The following ELP4 variants were observed in gnomAD, a reference collection of about 807,000 sequenced individuals.
ELP4 encodes the protein elongator acetyltransferase complex subunit 4, also known as elongator complex protein 4.
A neutral mutation model predicts 48.9 loss-of-function variants in ELP4; 51 were observed. The observed-to-expected ratio is 1.04, with a 90% confidence interval of 0.83 to 1.32. The LOEUF is 1.32. Ranked by LOEUF, ELP4 falls within the 40% of genes most tolerant of loss-of-function variation. The pLI, the probability that ELP4 is intolerant of heterozygous loss-of-function variation, is 0.00. For missense variants in ELP4, 519 were observed against 514.6 expected (o/e 1.01, Z -0.08); for synonymous variants, 210 against 189.2 (o/e 1.11, Z -0.90).
intron 1 of ELP4, among the ~76,000 whole-genome samples, chr11:31,517,772 G>A (rs1197653925): frequency 7.9e-5 from 12 of 151,424 alleles, no homozygotes; most frequent in African/African-American, 9.7e-5. Flanking sequence ...GGCAGCCACC[G>A]CGCCCAGCTA....
At chr11:31,613,411 T>A (rs1958018376) in intron 5 of ELP4, among the ~76,000 whole-genome samples, 1 of 152,174 alleles carries the variant, frequency 6.6e-6, no homozygotes, top group South Asian at 2.1e-4. Flanking sequence ...TACATTAGTA[T>A]TTGAAAGGCT....
At chr11:31,770,793 C>G (rs374420860) in intron 9 of ELP4, among the ~76,000 whole-genome samples, 1 of 124,902 alleles carries the variant, frequency 8.0e-6, no homozygotes, top group African/African-American at 3.1e-5. Context: ...AGTCTCAGTA[C>G]TCGGGAGGCT....
At position 31,617,213 on chromosome 11, in the gene ELP4, A is replaced by C. The variant is rs1944509000; in HGVS notation, c.654-9897A>C. Among the ~76,000 whole-genome samples the C allele has an allele frequency of 2.0e-5, 3 of 152,156 alleles. No homozygotes were observed. In the South Asian group the frequency reaches 6.2e-4, roughly 31 times the overall value. On this transcript the variant is annotated intron_variant, in intron 5 of 9. Coordinates refer to ENST00000640961, the MANE Select transcript of ELP4 (RefSeq NM_019040.5). Reference sequence around the variant, plus strand: ...TAAATAAAATATACCATATAATGAAATGTTATTTAGCCTTAAAAATGATGG... The same window carrying C: ...TAAATAAAATATACCATATAATGAACTGTTATTTAGCCTTAAAAATGATGG...
intron 5 of ELP4, among the ~76,000 whole-genome samples, chr11:31,615,718 A>C (rs933198196): frequency 2.0e-5 from 3 of 151,954 alleles, no homozygotes; most frequent in African/African-American, 7.2e-5. Flanking sequence ...CACACAACTT[A>C]GCTCACTTTT....
chr11:31,627,666 C>T (rs1488963869), intron 6 of ELP4, among the ~76,000 whole-genome samples: 1 of 151,906 alleles, frequency 6.6e-6, no homozygotes, highest in African/African-American at 2.4e-5. Context: ...TATTTTATAA[C>T]AACGATTTCT....
At chr11:31,735,709 T>C (rs1947297342) in intron 9 of ELP4, among the ~76,000 whole-genome samples, 1 of 152,066 alleles carries the variant, frequency 6.6e-6, no homozygotes, top group East Asian at 1.9e-4. Context: ...AAATCATGAG[T>C]GAACTCCCAT....
chr11:31,529,846 AG>A (rs1325011004), intron 2 of ELP4, among the ~76,000 whole-genome samples: 1 of 152,166 alleles, frequency 6.6e-6, no homozygotes, highest in Non-Finnish European at 1.5e-5. Flanking sequence ...AGTGACATAT[AG>A]GGCCAGAATG....
intron 9 of ELP4, among the ~76,000 whole-genome samples, chr11:31,671,309 G>C (rs1298453479): frequency 6.6e-6 from 1 of 151,914 alleles, no homozygotes; most frequent in Non-Finnish European, 1.5e-5. Context: ...GATCAATTTT[G>C]TAGCTCATTT....
chr11:31,643,649 C>CAT lies in ELP4; in HGVS notation c.928-4090_928-4089dup, dbSNP rs1192772847. On this transcript the variant is annotated intron_variant, in intron 7 of 9. Transcript: ENST00000640961. ...TAAATTTTTATCTCTTAACAAAATTCATAGTTTTGACTTTAAGAACTTTGA... is the reference window on the plus strand; with the variant it reads ...TAAATTTTTATCTCTTAACAAAATTCATATAGTTTTGACTTTAAGAACTTTGA... Among the ~76,000 whole-genome samples the CAT allele has an allele frequency of 4.0e-5, 6 of 151,814 alleles. No individual in the cohort carries two copies. In the South Asian group the frequency reaches 1.0e-3, roughly 26 times the overall value.
At chr11:31,527,503 G>C (rs1016288859) in intron 2 of ELP4, among the ~76,000 whole-genome samples, 15 of 151,922 alleles carry the variant, frequency 9.9e-5, no homozygotes, top group African/African-American at 3.6e-4. Flanking sequence ...TCTTCCTATG[G>C]ACTCTGGATT....
intron 9 of ELP4, among the ~76,000 whole-genome samples, chr11:31,741,509 C>A (rs571007298): frequency 6.6e-6 from 1 of 152,322 alleles, no homozygotes; most frequent in South Asian, 2.1e-4. Context: ...TAGGGGCGGA[C>A]TGACACCTCA....
intron 9 of ELP4, among the ~76,000 whole-genome samples, chr11:31,760,181 G>C: frequency 6.6e-6 from 1 of 152,270 alleles, no homozygotes; most frequent in Middle Eastern, 3.4e-3. Flanking sequence ...TTCTCCTCCA[G>C]TGCTAGGGAA....
intron 9 of ELP4, among the ~76,000 whole-genome samples, chr11:31,743,292 A>T (rs533613950): frequency 6.6e-6 from 1 of 152,308 alleles, no homozygotes; most frequent in South Asian, 2.1e-4. Flanking sequence ...CCACACAATA[A>T]TAATGGGAGA....
intron 9 of ELP4, among the ~76,000 whole-genome samples, chr11:31,752,826 T>C (rs1592281935): frequency 8.4e-6 from 1 of 119,432 alleles, no homozygotes. Context: ...AGAGTGAGAC[T>C]CCATCTCAAA....
chr11:31,614,945 T>C (rs1958048718), intron 5 of ELP4, among the ~76,000 whole-genome samples: 1 of 152,130 alleles, frequency 6.6e-6, no homozygotes. Context: ...TTTTGCTGTA[T>C]AGGATGATAT....
intron 7 of ELP4, among the ~76,000 whole-genome samples, chr11:31,639,445 A>C (rs954727749): frequency 6.6e-6 from 1 of 151,866 alleles, no homozygotes; most frequent in Non-Finnish European, 1.5e-5. Context: ...TGGACTTATA[A>C]TTCTTACAGC....
chr11:31,678,421 A>G (rs188756665), intron 9 of ELP4, among the ~76,000 whole-genome samples: 166 of 152,170 alleles, frequency 1.1e-3, no homozygotes, highest in Non-Finnish European at 1.8e-3. Context: ...ACTGCACTCC[A>G]GCCTAGGTGA....
intron 7 of ELP4, among the ~76,000 whole-genome samples, chr11:31,645,108 C>A (rs1272329378): frequency 6.6e-6 from 1 of 151,596 alleles, no homozygotes; most frequent in African/African-American, 2.4e-5. Flanking sequence ...AAAAATTATT[C>A]TTGTACTAAT....
chr11:31,692,707 C>T lies in ELP4; in HGVS notation c.1143+42486C>T, dbSNP rs532507550. ...ACTTAATTCCAATTCCTCGAAGGCT[C>T]ATTCACACATGATGTTGCCTCTGAT... On this transcript the variant is annotated intron_variant, in intron 9 of 9. Coordinates refer to ENST00000640961, the MANE Select transcript of ELP4 (RefSeq NM_019040.5). Among the ~76,000 whole-genome samples the T allele has an allele frequency of 7.9e-5, 12 of 152,228 alleles. No individual in the cohort carries two copies. In the South Asian group the frequency reaches 2.5e-3, roughly 32 times the overall value.
Sources: allele counts gnomAD v4.1 joint callset (sites outside exome capture counted in the v4.1 genomes callset), GRCh38; gene constraint gnomAD v4.1.1; transcripts MANE v1.5; gene names NCBI Gene and HGNC (gene_info 2026-07-23, HGNC 2026-07-21).